The following FXR1 variants were observed in gnomAD, a reference collection of about 807,000 sequenced individuals.
The protein encoded by FXR1 is FMR1 autosomal homolog 1.
FXR1 carries 15 observed loss-of-function variants against 84.0 expected under a neutral mutation model. The ratio of observed to expected loss-of-function variants is 0.18; its 90% CI spans 0.12 to 0.27. The LOEUF (loss-of-function observed/expected upper bound fraction) is 0.27. Among genes scored for constraint, FXR1 ranks in the 10% least tolerant of loss-of-function variants. The pLI, the probability that FXR1 is intolerant of heterozygous loss-of-function variation, is 1.00. For missense variants in FXR1, 480 were observed against 774.4 expected, an observed-to-expected ratio of 0.62 and a Z score of 4.51; for synonymous variants, 245 against 250.7, an observed-to-expected ratio of 0.98 and a Z score of 0.21.
intron 3 of FXR1, among the ~76,000 whole-genome samples, chr3:180,935,845 T>A (rs1406771192): frequency 1.3e-5 from 2 of 152,252 alleles, no homozygotes; most frequent in Non-Finnish European, 2.9e-5. Context: ...AATGATGGGA[T>A]TACAGGCGTG....
At chr3:180,968,353 C>G in intron 14 of FXR1, 99 bp downstream of exon 14, 2 of 755,904 alleles carry the variant, frequency 2.6e-6, no homozygotes, top group Non-Finnish European at 4.5e-6. Context: ...TTGGAAGTTT[C>G]TCTTGCTACT....
intron 3 of FXR1, among the ~76,000 whole-genome samples, chr3:180,945,504 C>T (rs1005303431): frequency 6.6e-6 from 1 of 152,152 alleles, no homozygotes; most frequent in Non-Finnish European, 1.5e-5. Context: ...TCCCAGGCTC[C>T]AGCAATCCTT....
intron 1 of FXR1, among the ~76,000 whole-genome samples, chr3:180,916,462 C>A (rs1468221855): frequency 2.0e-5 from 3 of 152,180 alleles, no homozygotes; most frequent in African/African-American, 7.2e-5. Context: ...GGTGGGAGCG[C>A]AGTGGTGCGA....
intron 1 of FXR1, among the ~76,000 whole-genome samples, chr3:180,926,506 A>ATATATATATATATATTTTTTTTT (rs72192827): frequency 8.0e-6 from 1 of 124,392 alleles, no homozygotes; most frequent in African/African-American, 2.9e-5. Flanking sequence ...ATATATATAT[A>ATATATATATATATATTTTTTTTT]TTTTTTTTTC....
At chr3:180,929,811 G>A (rs1409035176) in intron 1 of FXR1, among the ~76,000 whole-genome samples, 1 of 152,188 alleles carries the variant, frequency 6.6e-6, no homozygotes, top group African/African-American at 2.4e-5. Context: ...GAGAAATCTG[G>A]CCATTAGAAA....
chr3:180,924,293 A>G (rs541122983), intron 1 of FXR1, among the ~76,000 whole-genome samples: 6 of 152,278 alleles, frequency 3.9e-5, no homozygotes, highest in Non-Finnish European at 8.8e-5. Flanking sequence ...ACAGAAACAC[A>G]GTTTCTCAGT....
chr3:180,941,088 G>A (rs868245868), intron 3 of FXR1, among the ~76,000 whole-genome samples: 1 of 151,886 alleles, frequency 6.6e-6, no homozygotes, highest in African/African-American at 2.4e-5. Flanking sequence ...ATATTAAAAT[G>A]TTGGGATAGG....
intron 3 of FXR1, among the ~76,000 whole-genome samples, chr3:180,936,985 A>G (rs1308579557): frequency 6.6e-6 from 1 of 152,174 alleles, no homozygotes; most frequent in Non-Finnish European, 1.5e-5. Flanking sequence ...CTGCAAATCA[A>G]GGAGTGTGAA....
At chr3:180,968,802 G>A (rs904223084) in intron 14 of FXR1, among the ~76,000 whole-genome samples, 1 of 152,068 alleles carries the variant, frequency 6.6e-6, no homozygotes, top group Non-Finnish European at 1.5e-5. Context: ...TGTAGGAAAC[G>A]TTTTACTTAA....
chr3:180,941,237 C>G (rs756132359), intron 3 of FXR1, among the ~76,000 whole-genome samples: 5 of 151,462 alleles, frequency 3.3e-5, no homozygotes, highest in Admixed American at 1.3e-4. Flanking sequence ...GTCACCCAGG[C>G]TGGAGTACAA....
Position 180,980,354 on chromosome 3 carries a change from ATTTC to A in FXR1, c.*4066_*4069del, listed in dbSNP as rs1342058272. The A allele has an allele frequency of 6.6e-6, 1 of 151,882 alleles. No individual in the cohort carries two copies. The highest frequency in any genetic ancestry group is 1.5e-5 in the Non-Finnish European group (1 of 67,880). 9.4% of individuals were successfully genotyped at this position (151,882 alleles called of 1,614,324 possible). On this transcript the variant is annotated 3_prime_UTR_variant, in exon 17 of 17. Transcript: ENST00000357559. The stretch of plus-strand genomic sequence containing the variant: ...AGTATGCTACTAATTAGCTTCTTGA[ATTTC>A]TTTGTATTTCAGTGATTGGGATGTT...
In FXR1 at chr3:180,976,896, T is replaced by C. The variant is rs1223011977; in HGVS notation, c.*604T>C. 1.3e-5 allele frequency: 2 copies of C among 152,588 alleles called. No homozygotes were observed. Among genetic ancestry groups the C allele is most frequent in the Non-Finnish European group, 2.9e-5 (2 of 67,998 alleles). 9.5% of individuals were successfully genotyped at this position (152,588 alleles called of 1,614,324 possible). A position where few individuals can be genotyped will look rare whatever the true frequency, so the allele number is the denominator to read the frequency against. ...TGACTGTTCTACCTTGAGGCTTTGT[T>C]TGGTTTATTTATTAAAGTGTACAGT... On this transcript the variant is annotated 3_prime_UTR_variant, in exon 17 of 17. Coordinates refer to ENST00000357559, the MANE Select transcript of FXR1 (RefSeq NM_005087.4).
chr3:180,915,745 T>G (rs1311885802), intron 1 of FXR1: 6 of 681,056 alleles, frequency 8.8e-6, no homozygotes, highest in Admixed American at 4.2e-5. Flanking sequence ...TATCATGCCT[T>G]GAGGCAGTAC....
At position 180,980,414 on chromosome 3, in the gene FXR1, T is replaced by G. The variant is rs745540914; in HGVS notation, c.*4122T>G. 3.1e-4 allele frequency: 47 copies of G among 152,118 alleles called. No individual in the cohort carries two copies. Among genetic ancestry groups the G allele is most frequent in the Non-Finnish European group, 5.4e-4 (37 of 67,906 alleles). 9.4% of individuals were successfully genotyped at this position (152,118 alleles called of 1,614,324 possible). A position where few individuals can be genotyped will look rare whatever the true frequency, so the allele number is the denominator to read the frequency against. Reference sequence around the variant, plus strand: ...TTTTTGGGAAAGTTTTTTTACCCCTTTGTACCCTCTTAATTGGATTAACTG... The same window carrying G: ...TTTTTGGGAAAGTTTTTTTACCCCTGTGTACCCTCTTAATTGGATTAACTG... On this transcript the variant is annotated 3_prime_UTR_variant, in exon 17 of 17. Coordinates refer to ENST00000357559, the MANE Select transcript of FXR1 (RefSeq NM_005087.4).
chr3:180,976,119 C>T lies in FXR1; in HGVS notation c.1696-3C>T. The stretch of plus-strand genomic sequence containing the variant: ...AGTTGAAAAAGTTGTCTCCCTTTGG[C>T]AGGCAAAAGATGTGATTGAAGAGCA... On this transcript the variant is annotated splice_polypyrimidine_tract_variant and splice_region_variant and intron_variant, in intron 16 of 16. Transcript: ENST00000357559. 2 of 1,594,784 alleles carry T rather than the reference C, an allele frequency of 1.3e-6. No individual in the cohort carries two copies. The highest frequency in any genetic ancestry group is 1.8e-5 in the Admixed American group (1 of 55,776).
chr3:180,925,674 C>G (rs1478929766), intron 1 of FXR1, among the ~76,000 whole-genome samples: 1 of 152,116 alleles, frequency 6.6e-6, no homozygotes, highest in Non-Finnish European at 1.5e-5. Context: ...TTGTAAGAAG[C>G]ATCCTGATTT....
intron 1 of FXR1, among the ~76,000 whole-genome samples, chr3:180,932,452 C>T (rs1177784059): frequency 2.6e-5 from 4 of 152,198 alleles, no homozygotes; most frequent in Admixed American, 6.5e-5. Flanking sequence ...GACTGCTTGC[C>T]TATGGTTACA....
chr3:180,917,409 A>G (rs1228421748), intron 1 of FXR1, among the ~76,000 whole-genome samples: 1 of 152,160 alleles, frequency 6.6e-6, no homozygotes, highest in African/African-American at 2.4e-5. Context: ...AAAAACGATA[A>G]TTGTCTTAAT....
intron 1 of FXR1, among the ~76,000 whole-genome samples, chr3:180,924,327 A>C (rs1718923271): frequency 6.6e-6 from 1 of 152,224 alleles, no homozygotes; most frequent in Admixed American, 6.5e-5. Context: ...CATAGGTCGT[A>C]GTACCATTCT....
Sources: gnomAD v4.1 joint callset for allele counts (sites outside exome capture counted in the v4.1 genomes callset) on GRCh38, gnomAD v4.1.1 for gene constraint, MANE v1.5 for transcripts, NCBI Gene and HGNC (gene_info 2026-07-23, HGNC 2026-07-21) for gene names.